MARCHF1: variants seen among roughly 807,000 people sequenced by gnomAD.
The protein encoded by MARCHF1 is membrane associated ring-CH-type finger 1, also known as E3 ubiquitin-protein ligase MARCHF1.
MARCHF1 carries 40 observed loss-of-function variants against 54.2 expected under a neutral mutation model. That is an observed-to-expected ratio of 0.74 (90% confidence interval 0.57 to 0.96). The LOEUF (loss-of-function observed/expected upper bound fraction) is 0.96, where lower values mean the gene tolerates loss of function less well. Ranked by LOEUF, MARCHF1 falls within the 40% of genes least tolerant of loss-of-function variation. The probability of loss-of-function intolerance (pLI) is 0.00; values close to 1 mark genes in which losing one functional copy is unlikely to be tolerated. For synonymous variants in MARCHF1, 236 were observed against 236.3 expected, an observed-to-expected ratio of 1.00 and a Z score of 0.01; for missense variants, 586 against 656.5, an observed-to-expected ratio of 0.89 and a Z score of 1.17.
chr4:163,781,160 G>C (rs1373914362), intron 4 of MARCHF1, among the ~76,000 whole-genome samples: 2 of 152,192 alleles, frequency 1.3e-5, no homozygotes, highest in Admixed American at 1.3e-4. Flanking sequence ...AGACCAGCCT[G>C]GCCAACACGA....
intron 4 of MARCHF1, among the ~76,000 whole-genome samples, chr4:163,767,422 C>G (rs1038186782): frequency 6.6e-5 from 10 of 152,062 alleles, no homozygotes; most frequent in Admixed American, 2.6e-4. Flanking sequence ...CAAGCTCCCC[C>G]TCCTGGGTTC....
chr4:164,316,543 A>G (rs1044101342), intron 1 of MARCHF1, among the ~76,000 whole-genome samples: 11 of 152,220 alleles, frequency 7.2e-5, no homozygotes, highest in Non-Finnish European at 1.5e-4. Context: ...AGTCTGCCTA[A>G]AATATTTTTA....
chr4:163,611,656 T>A (rs1741345710), intron 7 of MARCHF1, among the ~76,000 whole-genome samples: 1 of 152,086 alleles, frequency 6.6e-6, no homozygotes, highest in African/African-American at 2.4e-5. Context: ...CGCTGCCACA[T>A]AGCTAGAAAA....
chr4:164,250,645 T>C (rs547565690), intron 1 of MARCHF1, among the ~76,000 whole-genome samples: 1 of 152,246 alleles, frequency 6.6e-6, no homozygotes, highest in African/African-American at 2.4e-5. Context: ...AAATAAATTA[T>C]TGATAATTGA....
intron 1 of MARCHF1, among the ~76,000 whole-genome samples, chr4:164,228,527 T>C (rs1269052528): frequency 3.9e-5 from 6 of 152,226 alleles, no homozygotes; most frequent in East Asian, 1.9e-4. Context: ...GAATTAATGA[T>C]GGTCAAACGT....
In MARCHF1 at chr4:164,372,042, T is replaced by A. The variant is rs552936376; in HGVS notation, c.-323+11828A>T. 1.5e-3 allele frequency among the ~76,000 whole-genome samples: 223 copies of A among 152,300 alleles called. 9 individuals carry two copies. In the South Asian group the frequency reaches 0.045, roughly 31 times the overall value. On this transcript the variant is annotated intron_variant, in intron 1 of 9. Coordinates refer to ENST00000514618, the MANE Select transcript of MARCHF1 (RefSeq NM_001394959.1). ...GCTGCCAGTGATGGCGCCACGGCAT[T>A]CCAGCCTGGGTGACAGAGGGAGGCC...
At chr4:163,610,093 G>T (rs1489059225) in intron 7 of MARCHF1, among the ~76,000 whole-genome samples, 1 of 151,892 alleles carries the variant, frequency 6.6e-6, no homozygotes, top group Admixed American at 6.6e-5. Context: ...CTCAGCCCCA[G>T]TACCTCTTCT....
At chr4:163,633,100 C>T (rs1459451248) in intron 5 of MARCHF1, among the ~76,000 whole-genome samples, 1 of 152,172 alleles carries the variant, frequency 6.6e-6, no homozygotes, top group Non-Finnish European at 1.5e-5. Flanking sequence ...ATCTGTACAT[C>T]ACCATCATCA....
At chr4:163,542,688 G>A (rs545205114) in intron 9 of MARCHF1, among the ~76,000 whole-genome samples, 2 of 152,284 alleles carry the variant, frequency 1.3e-5, no homozygotes, top group East Asian at 3.9e-4. Flanking sequence ...GGCTTCTTCA[G>A]TACAAACTGC....
intron 2 of MARCHF1, among the ~76,000 whole-genome samples, chr4:163,992,818 C>T (rs1752993579): frequency 1.3e-5 from 2 of 149,210 alleles, no homozygotes; most frequent in Non-Finnish European, 3.0e-5. Flanking sequence ...ATTATAAATG[C>T]ATTGATACAA....
At chr4:163,697,481 G>A (rs950751094) in intron 5 of MARCHF1, among the ~76,000 whole-genome samples, 2 of 152,156 alleles carry the variant, frequency 1.3e-5, no homozygotes, top group African/African-American at 4.8e-5. Context: ...GGGAAGGAAA[G>A]TTTTAAATTA....
intron 4 of MARCHF1, among the ~76,000 whole-genome samples, chr4:163,804,447 C>T (rs1390455540): frequency 6.6e-6 from 1 of 152,140 alleles, no homozygotes; most frequent in African/African-American, 2.4e-5. Context: ...TACTTTTTAA[C>T]AAGCTCACTG....
chr4:164,251,545 A>T (rs946452964), intron 1 of MARCHF1, among the ~76,000 whole-genome samples: 5 of 152,186 alleles, frequency 3.3e-5, no homozygotes, highest in African/African-American at 1.2e-4. Flanking sequence ...ATACTTTAAA[A>T]TTTTGTTTTT....
At chr4:164,056,073 G>A (rs2111056027) in intron 2 of MARCHF1, among the ~76,000 whole-genome samples, 1 of 152,194 alleles carries the variant, frequency 6.6e-6, no homozygotes, top group South Asian at 2.1e-4. Context: ...CTTTAGCTTT[G>A]GACTGTTACT....
intron 2 of MARCHF1, among the ~76,000 whole-genome samples, chr4:164,110,469 T>A (rs1755810821): frequency 6.6e-6 from 1 of 151,684 alleles, no homozygotes; most frequent in African/African-American, 2.4e-5. Context: ...ACTGGAAAAA[T>A]TTCTAAAATC....
intron 1 of MARCHF1, chr4:164,383,191 G>A (rs1459357661): frequency 6.6e-6 from 1 of 152,266 alleles, no homozygotes. Flanking sequence ...ACTCACCCGT[G>A]AGCGCAGGAC....
intron 3 of MARCHF1, among the ~76,000 whole-genome samples, chr4:163,949,036 C>T (rs757067932): frequency 3.3e-5 from 5 of 152,184 alleles, no homozygotes; most frequent in Admixed American, 1.3e-4. Flanking sequence ...CACCTTTGCC[C>T]GTGTTTTGCT....
At chr4:163,891,477 T>C (rs1295700903) in intron 3 of MARCHF1, among the ~76,000 whole-genome samples, 1 of 152,006 alleles carries the variant, frequency 6.6e-6, no homozygotes, top group Non-Finnish European at 1.5e-5. Flanking sequence ...ATTTTTTTTT[T>C]CCGAATTATG....
intron 5 of MARCHF1, among the ~76,000 whole-genome samples, chr4:163,650,687 T>C (rs182103081): frequency 6.6e-6 from 1 of 152,092 alleles, no homozygotes; most frequent in Admixed American, 6.6e-5. Flanking sequence ...TGAAAACAGA[T>C]ATCTAAAAAA....
Sources: gnomAD v4.1 joint callset for allele counts (sites outside exome capture counted in the v4.1 genomes callset) on GRCh38, gnomAD v4.1.1 for gene constraint, MANE v1.5 for transcripts, NCBI Gene and HGNC (gene_info 2026-07-23, HGNC 2026-07-21) for gene names.